The following RBFOX1 variants were observed in gnomAD, a reference collection of about 807,000 sequenced individuals.
RBFOX1 encodes RNA binding fox-1 homolog 1.
Under a neutral mutation model 57.7 loss-of-function variants are expected in RBFOX1, and 8 were observed. The observed-to-expected ratio is 0.14, with a 90% CI of 0.08 to 0.25. RBFOX1 has a LOEUF of 0.25. RBFOX1 is among the 10% of genes least tolerant of loss of function. The pLI is 1.00. For synonymous variants in RBFOX1, 326 were observed against 222.4 expected, an observed-to-expected ratio of 1.47 and a Z score of -4.15; for missense variants, 611 against 548.5, an observed-to-expected ratio of 1.11 and a Z score of -1.14.
intron 3 of RBFOX1, among the ~76,000 whole-genome samples, chr16:6,824,735 G>T (rs1248240916): frequency 6.6e-6 from 1 of 151,882 alleles, no homozygotes; most frequent in East Asian, 1.9e-4. Context: ...CTTTGAAAAA[G>T]TCCAAAAGCT....
intron 3 of RBFOX1, among the ~76,000 whole-genome samples, chr16:5,647,344 T>C (rs1025089340): frequency 1.2e-4 from 18 of 152,220 alleles, no homozygotes; most frequent in African/African-American, 4.1e-4. Flanking sequence ...CAGAGGAAAT[T>C]GTATTTTAGA....
At chr16:5,892,879 G>C (rs989448167) in intron 4 of RBFOX1, among the ~76,000 whole-genome samples, 1 of 152,120 alleles carries the variant, frequency 6.6e-6, no homozygotes, top group Non-Finnish European at 1.5e-5. Context: ...CCATGAGAGG[G>C]GGTTGCAGAT....
rs558165322 is a variant in RBFOX1 at position 7,097,157 on chromosome 16, C to T, written c.27+45059C>T. Reference sequence around the variant, plus strand: ...AGAGAGGTATTGTGAATGGTGACTTCGAGCAAGACTTTTCCAAGAAGGTGT... The same window carrying T: ...AGAGAGGTATTGTGAATGGTGACTTTGAGCAAGACTTTTCCAAGAAGGTGT... On this transcript the variant is annotated intron_variant, in intron 4 of 15. Coordinates refer to ENST00000550418, the MANE Select transcript of RBFOX1 (RefSeq NM_018723.4). 1.7e-4 allele frequency among the ~76,000 whole-genome samples: 26 copies of T among 152,146 alleles called. No individual in the cohort carries two copies. In the South Asian group the frequency reaches 2.5e-3, roughly 15 times the overall value.
intron 14 of RBFOX1, among the ~76,000 whole-genome samples, chr16:7,685,357 C>G (rs568506575): frequency 1.1e-4 from 16 of 152,258 alleles, no homozygotes; most frequent in South Asian, 8.3e-4. Context: ...CTTCTTCCCT[C>G]TCCTGGCCCA....
chr16:5,396,333 G>A (rs2066554631), intron 1 of RBFOX1, among the ~76,000 whole-genome samples: 1 of 152,046 alleles, frequency 6.6e-6, no homozygotes, highest in Non-Finnish European at 1.5e-5. Flanking sequence ...GGGTCAGTAG[G>A]TGGCTGAATA....
intron 3 of RBFOX1, among the ~76,000 whole-genome samples, chr16:5,683,905 G>A (rs1018617176): frequency 5.3e-5 from 8 of 151,462 alleles, no homozygotes; most frequent in Middle Eastern, 3.4e-3. Flanking sequence ...CCCTAAATCC[G>A]TCAGCCCAAT....
chr16:7,136,721 C>T (rs80248931), intron 4 of RBFOX1, among the ~76,000 whole-genome samples: 1 of 152,088 alleles, frequency 6.6e-6, no homozygotes, highest in Non-Finnish European at 1.5e-5. Flanking sequence ...CTGGCCCCAT[C>T]TAGGGAAAAT....
chr16:6,653,864 G>T (rs116694364), intron 2 of RBFOX1, among the ~76,000 whole-genome samples: 1 of 151,728 alleles, frequency 6.6e-6, no homozygotes, highest in African/African-American at 2.4e-5. Flanking sequence ...GGGGATGGCT[G>T]GGTGGATAGC....
At chr16:5,964,109 T>G (rs1471009032) in intron 4 of RBFOX1, among the ~76,000 whole-genome samples, 2 of 152,098 alleles carry the variant, frequency 1.3e-5, no homozygotes, top group Non-Finnish European at 2.9e-5. Context: ...AAATAGATAT[T>G]TTTCCAAAGA....
At chr16:7,406,711 C>T (rs918270927) in intron 4 of RBFOX1, among the ~76,000 whole-genome samples, 3 of 152,212 alleles carry the variant, frequency 2.0e-5, no homozygotes, top group African/African-American at 4.8e-5. Context: ...TGGCAAATTA[C>T]TACAAATTCC....
At chr16:5,635,468 A>G (rs1254126859) in intron 3 of RBFOX1, among the ~76,000 whole-genome samples, 5 of 152,250 alleles carry the variant, frequency 3.3e-5, no homozygotes, top group South Asian at 2.1e-4. Context: ...AGGGCCGGGG[A>G]CTGGAGGGGC....
At chr16:5,791,509 G>C (rs748538270) in intron 3 of RBFOX1, among the ~76,000 whole-genome samples, 1 of 152,104 alleles carries the variant, frequency 6.6e-6, no homozygotes, top group Non-Finnish European at 1.5e-5. Context: ...TCATGCCTCT[G>C]TTCTCACTGC....
intron 2 of RBFOX1, among the ~76,000 whole-genome samples, chr16:6,337,889 G>C (rs1567966236): frequency 1.3e-5 from 2 of 152,142 alleles, no homozygotes; most frequent in African/African-American, 2.4e-5. Flanking sequence ...GTACAAACTG[G>C]TCAATATCAG....
At chr16:5,342,615 G>T (rs2065056252) in intron 1 of RBFOX1, among the ~76,000 whole-genome samples, 1 of 152,184 alleles carries the variant, frequency 6.6e-6, no homozygotes, top group Non-Finnish European at 1.5e-5. Context: ...GCAAAATGCT[G>T]CAAGTACCAC....
intron 13 of RBFOX1, among the ~76,000 whole-genome samples, chr16:7,666,726 A>AAGTT (rs1430609467): frequency 6.6e-6 from 1 of 152,216 alleles, no homozygotes. Flanking sequence ...AGAAAAAACA[A>AAGTT]AGTTAGAAGA....
chr16:5,567,612 T>TG lies in RBFOX1; in HGVS notation c.259-31283dup, dbSNP rs111530610. Reference sequence around the variant, plus strand: ...GAGGAGAAGCCAGCTTAAACCATAGTGGGGGGGTATTCAGGTTATAGGCAA... The same window carrying TG: ...GAGGAGAAGCCAGCTTAAACCATAGTGGGGGGGGTATTCAGGTTATAGGCAA... On this transcript the variant is annotated intron_variant, in intron 2 of 2. Transcript: ENST00000585867. Among the ~76,000 whole-genome samples the TG allele has an allele frequency of 4.1e-4, 19 of 46,752 alleles. 1 individual carries two copies. In the East Asian group the frequency reaches 4.5e-3, roughly 11 times the overall value. 30.7% of individuals were successfully genotyped at this position (46,752 alleles called of 152,430 possible).
At chr16:5,829,676 G>A (rs898482054) in intron 3 of RBFOX1, among the ~76,000 whole-genome samples, 2 of 114,134 alleles carry the variant, frequency 1.8e-5, no homozygotes, top group South Asian at 2.7e-4. Flanking sequence ...CATGAGCCAG[G>A]CATTGACGCA....
intron 4 of RBFOX1, among the ~76,000 whole-genome samples, chr16:7,074,229 G>C (rs939417663): frequency 6.6e-6 from 1 of 152,174 alleles, no homozygotes; most frequent in Non-Finnish European, 1.5e-5. Flanking sequence ...ATAACTGTTT[G>C]AAATATTGTA....
At chr16:6,415,367 C>T (rs984494282) in intron 2 of RBFOX1, among the ~76,000 whole-genome samples, 1 of 151,782 alleles carries the variant, frequency 6.6e-6, no homozygotes, top group Non-Finnish European at 1.5e-5. Context: ...TAAGCCCAAG[C>T]TCATACAGCT....
Sources: gnomAD v4.1 joint callset for allele counts (sites outside exome capture counted in the v4.1 genomes callset) on GRCh38, gnomAD v4.1.1 for gene constraint, MANE v1.5 for transcripts, NCBI Gene and HGNC (gene_info 2026-07-23, HGNC 2026-07-21) for gene names.